GRIK2: variants seen among roughly 807,000 people sequenced by gnomAD.
GRIK2 encodes glutamate receptor ionotropic, kainate 2.
In GRIK2, 32 loss-of-function variants were observed where a neutral mutation model predicts 100.3. The observed-to-expected ratio is 0.32, with a 90% CI of 0.24 to 0.43. The LOEUF is 0.43. Ranked by LOEUF, GRIK2 falls within the 20% of genes least tolerant of loss-of-function variation. GRIK2 has a pLI of 1.00. For missense variants in GRIK2, 843 were observed against 1,114.9 expected, an observed-to-expected ratio of 0.76 and a Z score of 3.47; for synonymous variants, 417 against 389.4, an observed-to-expected ratio of 1.07 and a Z score of -0.83.
intron 4 of GRIK2, among the ~76,000 whole-genome samples, chr6:101,668,729 G>A (rs1270302659): frequency 6.6e-6 from 1 of 152,182 alleles, no homozygotes; most frequent in East Asian, 1.9e-4. Context: ...ACTAGTTTGT[G>A]TAGCTGCCAA....
At chr6:101,838,906 G>A (rs959786889) in intron 10 of GRIK2, among the ~76,000 whole-genome samples, 4 of 152,016 alleles carry the variant, frequency 2.6e-5, no homozygotes, top group Non-Finnish European at 5.9e-5. Context: ...ACCTACGTTG[G>A]CCTTCTGAAG....
chr6:102,035,365 A>G lies in GRIK2; in HGVS notation c.2110A>G (p.Lys704Glu). The G allele has an allele frequency of 6.2e-7, 1 of 1,603,022 alleles. No homozygotes were observed. Among genetic ancestry groups the G allele is most frequent in the African/African-American group, 1.3e-5 (1 of 74,498 alleles). Residue 704 changes from lysine (K) to glutamate (E), a missense_variant, in exon 15 of 17, where the codon AAA (lysine) becomes GAA (glutamate). By Grantham distance (56) the Lys-to-Glu change is moderately conservative (BLOSUM62 1). Around this residue, in one of 3 missense-constraint regions of GRIK2, gnomAD observed 237 missense variants for 388.0 expected, o/e 0.61. Transcript: ENST00000369134. ...FKKSKISTYD[K>E]MWAFMSSRRQ... Reference sequence around the variant, plus strand: ...GAAATCAAAAATCTCCACGTATGACAAAATGTGGGCCTTTATGAGTAGCAG... The same window carrying G: ...GAAATCAAAAATCTCCACGTATGACGAAATGTGGGCCTTTATGAGTAGCAG...
chr6:101,932,958 A>T (rs1044228440), intron 14 of GRIK2, among the ~76,000 whole-genome samples: 2 of 151,912 alleles, frequency 1.3e-5, no homozygotes, highest in Non-Finnish European at 2.9e-5. Flanking sequence ...CTTAACCTTT[A>T]AATGTGTCTA....
intron 2 of GRIK2, among the ~76,000 whole-genome samples, chr6:101,547,244 G>T (rs542811733): frequency 6.6e-6 from 1 of 152,136 alleles, no homozygotes; most frequent in Non-Finnish European, 1.5e-5. Context: ...AAGGATGAGC[G>T]TAATATTTGA....
At chr6:102,001,413 G>A (rs1303708202) in intron 14 of GRIK2, among the ~76,000 whole-genome samples, 1 of 150,620 alleles carries the variant, frequency 6.6e-6, no homozygotes, top group Non-Finnish European at 1.5e-5. Context: ...GTGTATATGT[G>A]TTCTCATTGC....
chr6:101,872,808 T>C (rs892243208), intron 11 of GRIK2, among the ~76,000 whole-genome samples: 1 of 151,968 alleles, frequency 6.6e-6, no homozygotes, highest in Non-Finnish European at 1.5e-5. Flanking sequence ...GATTAAGTAA[T>C]TTTATGTCTG....
chr6:101,446,587 G>C (rs954618233), intron 2 of GRIK2, among the ~76,000 whole-genome samples: 5 of 151,790 alleles, frequency 3.3e-5, no homozygotes, highest in African/African-American at 1.2e-4. Flanking sequence ...AGATAGTCAA[G>C]CTCTTGCTAG....
chr6:101,954,695 G>GT (rs556365576), intron 14 of GRIK2, among the ~76,000 whole-genome samples: 42 of 151,692 alleles, frequency 2.8e-4, no homozygotes, highest in Non-Finnish European at 4.9e-4. Flanking sequence ...ATGCCTTTGT[G>GT]TTTTTTTTCT....
chr6:102,068,487 G>A lies in GRIK2; in HGVS notation c.2703G>A (p.Leu901=). The A allele has an allele frequency of 1.9e-6, 3 of 1,611,428 alleles. No homozygotes were observed. The highest frequency in any genetic ancestry group is 1.7e-6 in the Non-Finnish European group (2 of 1,178,286). ...INMHTFNDRR[L]PGKETMA The stretch of plus-strand genomic sequence containing the variant: ...TGCACACATTTAACGACAGAAGGTT[G>A]CCAGGTAAAGAAACCATGGCATAAA... The change falls in exon 17 of 17, where the codon TTG becomes TTA. Residue 901 remains leucine (L), a synonymous_variant. Coordinates refer to ENST00000369134, the MANE Select transcript of GRIK2 (RefSeq NM_021956.5).
intron 2 of GRIK2, among the ~76,000 whole-genome samples, chr6:101,531,553 A>G (rs1260796769): frequency 2.0e-5 from 3 of 151,764 alleles, no homozygotes; most frequent in Non-Finnish European, 4.4e-5. Context: ...TGAGATATCC[A>G]CCTATGTGGA....
intron 14 of GRIK2, among the ~76,000 whole-genome samples, chr6:101,952,305 C>G (rs1193186366): frequency 2.0e-5 from 3 of 152,192 alleles, no homozygotes; most frequent in Non-Finnish European, 4.4e-5. Flanking sequence ...GGTTTTACCA[C>G]AGTTTATTTA....
At chr6:101,772,872 G>T (rs1371325957) in intron 7 of GRIK2, among the ~76,000 whole-genome samples, 1 of 151,972 alleles carries the variant, frequency 6.6e-6, no homozygotes, top group African/African-American at 2.4e-5. Flanking sequence ...TGGTTTACTT[G>T]TTTGTCCCAC....
intron 14 of GRIK2, among the ~76,000 whole-genome samples, chr6:101,941,419 T>C (rs1331652053): frequency 6.6e-6 from 1 of 152,076 alleles, no homozygotes; most frequent in Non-Finnish European, 1.5e-5. Flanking sequence ...GTTTGTCACA[T>C]ATATATTTTT....
intron 12 of GRIK2, among the ~76,000 whole-genome samples, chr6:101,919,419 T>G (rs1256539641): frequency 1.3e-5 from 2 of 151,778 alleles, no homozygotes; most frequent in African/African-American, 2.4e-5. Flanking sequence ...TCTCAAGAGC[T>G]CAGAGAAGTG....
At chr6:101,611,856 C>T (rs1779691182) in intron 2 of GRIK2, among the ~76,000 whole-genome samples, 1 of 151,760 alleles carries the variant, frequency 6.6e-6, no homozygotes, top group Admixed American at 6.6e-5. Context: ...TTTGTTTTCA[C>T]TTTTTAACCA....
chr6:101,707,213 ATTT>A (rs1352756020), intron 7 of GRIK2, among the ~76,000 whole-genome samples: 1 of 151,590 alleles, frequency 6.6e-6, no homozygotes, highest in Non-Finnish European at 1.5e-5. Flanking sequence ...ACATATTCTA[ATTT>A]GACTCATAAT....
intron 4 of GRIK2, among the ~76,000 whole-genome samples, chr6:101,636,351 G>C (rs757089950): frequency 1.3e-5 from 2 of 152,076 alleles, no homozygotes; most frequent in African/African-American, 4.8e-5. Flanking sequence ...GGCCTGTCAG[G>C]GGGTGAGGGA....
At chr6:101,550,621 A>G (rs765346914) in intron 2 of GRIK2, among the ~76,000 whole-genome samples, 16 of 152,176 alleles carry the variant, frequency 1.1e-4, no homozygotes, top group Non-Finnish European at 1.9e-4. Context: ...GCTGTCTTCA[A>G]TTATGCCAGC....
intron 5 of GRIK2, among the ~76,000 whole-genome samples, chr6:101,677,216 T>C (rs1770906395): frequency 6.6e-6 from 1 of 152,108 alleles, no homozygotes; most frequent in Non-Finnish European, 1.5e-5. Flanking sequence ...AGAGACTTTA[T>C]ATATTTGATC....
Sources: allele counts gnomAD v4.1 joint callset (sites outside exome capture counted in the v4.1 genomes callset), GRCh38; gene constraint gnomAD v4.1.1; regional missense constraint gnomAD v4.1.1; transcripts MANE v1.5; gene names NCBI Gene and HGNC (gene_info 2026-07-23, HGNC 2026-07-21).